The following CCDC138 variants were observed in gnomAD, a reference collection of about 807,000 sequenced individuals.
CCDC138 encodes the protein coiled-coil domain-containing protein 138.
Under a neutral mutation model 82.3 loss-of-function variants are expected in CCDC138, and 66 were observed. That is an observed-to-expected ratio of 0.80 (90% CI 0.66 to 0.98). CCDC138 has a LOEUF of 0.98. Among genes scored for constraint, CCDC138 ranks in the 50% least tolerant of loss-of-function variants. CCDC138 has a pLI of 0.00. For synonymous variants in CCDC138, 297 were observed against 265.4 expected (o/e 1.12, Z -1.16); for missense variants, 816 against 758.9 (o/e 1.08, Z -0.88).
intron 7 of CCDC138, among the ~76,000 whole-genome samples, chr2:108,808,542 A>G (rs994590421): frequency 6.6e-6 from 1 of 152,196 alleles, no homozygotes; most frequent in Non-Finnish European, 1.5e-5. Context: ...TGTCTTTTTC[A>G]TAGCCTTTCT....
At chr2:108,850,665 C>G (rs1691317718) in intron 12 of CCDC138, among the ~76,000 whole-genome samples, 1 of 152,108 alleles carries the variant, frequency 6.6e-6, no homozygotes, top group Admixed American at 6.6e-5. Flanking sequence ...GTTCGCCAGG[C>G]TGGTCTCGAA....
chr2:108,837,248 G>C (rs75726900), intron 10 of CCDC138, among the ~76,000 whole-genome samples: 10,580 of 152,130 alleles, frequency 0.07, 450 homozygotes, highest in South Asian at 0.15. Context: ...TCATGAAAGG[G>C]CGTTGAATCT....
intron 11 of CCDC138, among the ~76,000 whole-genome samples, chr2:108,841,741 T>C (rs1186002216): frequency 2.6e-5 from 4 of 152,212 alleles, no homozygotes; most frequent in South Asian, 2.1e-4. Flanking sequence ...AATGTACTTA[T>C]TGATATGTTA....
In CCDC138 at chr2:108,793,334, A is replaced by AAAAAC. The variant is rs756873693; in HGVS notation, c.395-1193_395-1189dup. 2.1e-3 allele frequency among the ~76,000 whole-genome samples: 316 copies of AAAAAC among 152,164 alleles called. 1 individual carries two copies. The highest frequency in any genetic ancestry group is 0.017 in the Middle Eastern group (5 of 294). ...GGCGACAGAGTGAGACTCCGTCTCA[A>AAAAAC]AAAACAAAACAAAACAACAACAAAA... On this transcript the variant is annotated intron_variant, in intron 4 of 14. Coordinates refer to ENST00000295124, the MANE Select transcript of CCDC138 (RefSeq NM_144978.3).
intron 14 of CCDC138, among the ~76,000 whole-genome samples, chr2:108,874,146 T>A (rs1208190861): frequency 6.6e-6 from 1 of 152,194 alleles, no homozygotes; most frequent in Admixed American, 6.5e-5. Context: ...TGGTATTCTG[T>A]AATACCACAG....
intron 12 of CCDC138, among the ~76,000 whole-genome samples, chr2:108,855,319 G>A (rs529528180): frequency 2.0e-5 from 3 of 152,186 alleles, no homozygotes; most frequent in East Asian, 1.9e-4. Context: ...ATAGTAGTCA[G>A]CCTATTTTTA....
chr2:108,788,152 C>G, intron 2 of CCDC138, 63 bp downstream of exon 2: 1 of 1,541,704 alleles, frequency 6.5e-7, no homozygotes, highest in Non-Finnish European at 8.8e-7. Flanking sequence ...GGCGCGGTGG[C>G]TCACGCCTGT....
chr2:108,836,635 C>T (rs1325152699), intron 10 of CCDC138, among the ~76,000 whole-genome samples: 1 of 152,138 alleles, frequency 6.6e-6, no homozygotes, highest in African/African-American at 2.4e-5. Context: ...GACATTGAAT[C>T]TGTAGATCGC....
intron 10 of CCDC138, among the ~76,000 whole-genome samples, chr2:108,827,115 A>G (rs1686748371): frequency 6.6e-6 from 1 of 152,194 alleles, no homozygotes; most frequent in African/African-American, 2.4e-5. Flanking sequence ...CACCTCTATT[A>G]TTTAACATTA....
intron 10 of CCDC138, among the ~76,000 whole-genome samples, chr2:108,819,910 A>G (rs920956836): frequency 6.6e-6 from 1 of 152,240 alleles, no homozygotes; most frequent in African/African-American, 2.4e-5. Context: ...CCGATAATTT[A>G]AAAATGGAAA....
chr2:108,819,840 AACTC>A (rs1380931708), intron 10 of CCDC138, among the ~76,000 whole-genome samples: 1 of 148,394 alleles, frequency 6.7e-6, no homozygotes, highest in Non-Finnish European at 1.5e-5. Context: ...AAGCTTCAGA[AACTC>A]ACCCTAAAGA....
chr2:108,863,467 G>C (rs886420449), intron 13 of CCDC138, among the ~76,000 whole-genome samples: 1 of 152,230 alleles, frequency 6.6e-6, no homozygotes, highest in Non-Finnish European at 1.5e-5. Flanking sequence ...CTGAAGCAGA[G>C]TTAGTGAGGG....
intron 4 of CCDC138, 117 bp from the exon 5 acceptor site, chr2:108,794,423 T>C (rs1388188746): frequency 4.1e-6 from 4 of 981,952 alleles, no homozygotes; most frequent in East Asian, 2.7e-5. Flanking sequence ...TTGTCTCTCT[T>C]GAAACTTTTT....
chr2:108,811,247 C>CTCTTTTTTTTTTTTT (rs760937756), intron 7 of CCDC138, among the ~76,000 whole-genome samples: 25 of 113,884 alleles, frequency 2.2e-4, no homozygotes, highest in African/African-American at 7.6e-4. Context: ...TTCTCTCTCT[C>CTCTTTTTTTTTTTTT]TTTTTTTTTT....
At chr2:108,793,326 C>T (rs906223695) in intron 4 of CCDC138, among the ~76,000 whole-genome samples, 2 of 151,960 alleles carry the variant, frequency 1.3e-5, no homozygotes, top group Admixed American at 6.6e-5. Flanking sequence ...GAGTGAGACT[C>T]CGTCTCAAAA....
chr2:108,847,807 C>T (rs528574850), intron 12 of CCDC138, among the ~76,000 whole-genome samples: 14 of 152,128 alleles, frequency 9.2e-5, no homozygotes, highest in African/African-American at 2.4e-4. Flanking sequence ...TAGTTACTCC[C>T]GATGGTATGG....
At chr2:108,819,498 A>G (rs1032910740) in intron 10 of CCDC138, among the ~76,000 whole-genome samples, 1 of 151,982 alleles carries the variant, frequency 6.6e-6, no homozygotes, top group African/African-American at 2.4e-5. Flanking sequence ...AGCACGTAAG[A>G]GCTGCGGAGA....
intron 10 of CCDC138, among the ~76,000 whole-genome samples, chr2:108,826,821 G>A (rs998703166): frequency 2.0e-5 from 3 of 152,170 alleles, no homozygotes; most frequent in Non-Finnish European, 4.4e-5. Context: ...TGAATCTGTG[G>A]ATTAATTTGA....
At chr2:108,824,451 A>G (rs1686228432) in intron 10 of CCDC138, among the ~76,000 whole-genome samples, 1 of 152,180 alleles carries the variant, frequency 6.6e-6, no homozygotes, top group South Asian at 2.1e-4. Flanking sequence ...AGGATAATCA[A>G]TATCAGTGTC....
Sources: gnomAD v4.1 joint callset for allele counts (sites outside exome capture counted in the v4.1 genomes callset) on GRCh38, gnomAD v4.1.1 for gene constraint, MANE v1.5 for transcripts, NCBI Gene and HGNC (gene_info 2026-07-23, HGNC 2026-07-21) for gene names.